The following ITPR2 variants were observed in gnomAD, a reference collection of about 807,000 sequenced individuals.
The protein encoded by ITPR2 is inositol 1,4,5-trisphosphate receptor type 2.
A neutral mutation model predicts 317.1 loss-of-function variants in ITPR2; 207 were observed. The ratio of observed to expected loss-of-function variants is 0.65; its 90% CI spans 0.58 to 0.73. ITPR2 has a LOEUF of 0.73. Ranked by LOEUF, ITPR2 falls within the 30% of genes least tolerant of loss-of-function variation. The probability of loss-of-function intolerance (pLI) is 0.00; values close to 1 mark genes in which losing one functional copy is unlikely to be tolerated. For missense variants in ITPR2, 2,613 were observed against 3,284.0 expected (o/e 0.80, Z 4.99); for synonymous variants, 1,156 against 1,149.1 (o/e 1.01, Z -0.12).
chr12:26,531,483 G>A (rs929751068), intron 37 of ITPR2, among the ~76,000 whole-genome samples: 3 of 152,062 alleles, frequency 2.0e-5, no homozygotes, highest in Non-Finnish European at 2.9e-5. Flanking sequence ...TTTTTCATTC[G>A]TCTTAGCTTT....
At chr12:26,359,386 A>G (rs557225578) in intron 55 of ITPR2, among the ~76,000 whole-genome samples, 12 of 152,292 alleles carry the variant, frequency 7.9e-5, no homozygotes, top group African/African-American at 2.9e-4. Context: ...TATACAGGGA[A>G]CCAAGAAAGC....
chr12:26,782,302 A>T (rs1014030711), intron 2 of ITPR2, among the ~76,000 whole-genome samples: 3 of 151,916 alleles, frequency 2.0e-5, no homozygotes, highest in Admixed American at 6.6e-5. Flanking sequence ...AATTAAATTG[A>T]CAAACAGGAG....
chr12:26,663,279 C>T (rs1239159767), intron 15 of ITPR2, among the ~76,000 whole-genome samples: 3 of 152,178 alleles, frequency 2.0e-5, no homozygotes, highest in African/African-American at 7.2e-5. Context: ...TATCTTTTCT[C>T]TCTGTGTCTT....
intron 24 of ITPR2, among the ~76,000 whole-genome samples, chr12:26,622,952 T>G (rs1314650389): frequency 6.6e-6 from 1 of 152,214 alleles, no homozygotes; most frequent in African/African-American, 2.4e-5. Context: ...TCATTTCTCC[T>G]AGGGAATAAT....
At chr12:26,634,233 G>A (rs1256901311) in intron 21 of ITPR2, among the ~76,000 whole-genome samples, 1 of 152,186 alleles carries the variant, frequency 6.6e-6, no homozygotes, top group Non-Finnish European at 1.5e-5. Context: ...AACCATTACA[G>A]CTTGAAAAAC....
Position 26,657,855 on chromosome 12 carries a change from A to C in ITPR2, c.2044T>G (p.Ser682Ala). 6.2e-6 allele frequency: 10 copies of C among 1,614,194 alleles called. No homozygotes were observed. The highest frequency in any genetic ancestry group is 5.9e-6 in the Non-Finnish European group (7 of 1,180,018). The change falls in exon 18 of 57, where the codon TCC becomes GCC. Residue 682 changes from serine (S) to alanine (A), a missense_variant. This residue lies in a region of ITPR2 where 817 missense variants were observed against 897.6 expected (regional missense o/e 0.91). Coordinates refer to ENST00000381340, the MANE Select transcript of ITPR2 (RefSeq NM_002223.4). ...SMQADNPMES[S>A]ILSDDIDDEE... ...TCATCAATGTCATCTGAAAGGATGG[A>C]GCTCTCCATGGGGTTGTCTGCTTGC...
At chr12:26,697,684 T>G (rs1166366013) in intron 9 of ITPR2, among the ~76,000 whole-genome samples, 1 of 152,032 alleles carries the variant, frequency 6.6e-6, no homozygotes, top group East Asian at 1.9e-4. Flanking sequence ...TGGCACGCAC[T>G]TGTAATTCCA....
chr12:26,524,333 C>T (rs1211823271), intron 37 of ITPR2, among the ~76,000 whole-genome samples: 1 of 152,134 alleles, frequency 6.6e-6, no homozygotes, highest in Non-Finnish European at 1.5e-5. Context: ...GGGTACTATA[C>T]ATTCTAAACC....
At chr12:26,384,479 A>G (rs1421800567) in intron 55 of ITPR2, among the ~76,000 whole-genome samples, 1 of 152,190 alleles carries the variant, frequency 6.6e-6, no homozygotes, top group Admixed American at 6.6e-5. Context: ...TGTTGGAATA[A>G]GCTTGGGAGT....
At chr12:26,343,784 T>C (rs1938214223) in intron 55 of ITPR2, among the ~76,000 whole-genome samples, 1 of 152,000 alleles carries the variant, frequency 6.6e-6, no homozygotes, top group South Asian at 2.1e-4. Context: ...TTGAGGTGTG[T>C]TGATTTCTTG....
rs185819244 is a variant in ITPR2 at position 26,373,152 on chromosome 12, C to T, written c.7857+14282G>A. ...ATCTGGACCACTCTAAAACTCCTGTCCCAGTTGCTTCTGGTTTGTAAGATA... is the reference window on the plus strand; with the variant it reads ...ATCTGGACCACTCTAAAACTCCTGTTCCAGTTGCTTCTGGTTTGTAAGATA... On this transcript the variant is annotated intron_variant, in intron 55 of 56. Transcript: ENST00000381340. Among the ~76,000 whole-genome samples the T allele has an allele frequency of 4.9e-4, 74 of 152,324 alleles. 2 individuals are homozygous for T. In the East Asian group the frequency reaches 8.7e-3, roughly 18 times the overall value.
chr12:26,339,518 T>C (rs1565478257), intron 56 of ITPR2, 35 bp from the exon 57 acceptor site: 1 of 1,571,302 alleles, frequency 6.4e-7, no homozygotes, highest in Non-Finnish European at 8.8e-7. Context: ...TTCAGCGGAT[T>C]TTCTCACTCT....
chr12:26,547,431 G>A (rs921445567), intron 37 of ITPR2, among the ~76,000 whole-genome samples: 2 of 152,172 alleles, frequency 1.3e-5, no homozygotes, highest in Admixed American at 1.3e-4. Context: ...GTGGAGAAAA[G>A]GAAACTCAAA....
chr12:26,582,145 G>T (rs1047779229), intron 32 of ITPR2, among the ~76,000 whole-genome samples: 1 of 152,024 alleles, frequency 6.6e-6, no homozygotes, highest in African/African-American at 2.4e-5. Flanking sequence ...TGTTTTTCCT[G>T]TCCCCTATGA....
At chr12:26,650,082 AATAAT>A (rs2136886581) in intron 21 of ITPR2, among the ~76,000 whole-genome samples, 1 of 94,980 alleles carries the variant, frequency 1.1e-5, no homozygotes, top group East Asian at 9.4e-4. Context: ...TTGCTGAAAG[AATAAT>A]TAAGGTATCT....
intron 48 of ITPR2, among the ~76,000 whole-genome samples, chr12:26,428,582 A>G (rs1565521327): frequency 6.6e-6 from 1 of 152,200 alleles, no homozygotes; most frequent in Non-Finnish European, 1.5e-5. Flanking sequence ...TTTAACTGCT[A>G]AATACACATA....
intron 2 of ITPR2, among the ~76,000 whole-genome samples, chr12:26,738,537 T>G (rs1438022439): frequency 3.3e-5 from 5 of 152,160 alleles, no homozygotes; most frequent in African/African-American, 9.7e-5. Context: ...AACTGTAAAT[T>G]TGTTTGTTGT....
At chr12:26,342,677 T>G (rs1046744411) in intron 55 of ITPR2, among the ~76,000 whole-genome samples, 6 of 152,170 alleles carry the variant, frequency 3.9e-5, no homozygotes, top group African/African-American at 1.4e-4. Flanking sequence ...TGGCACAATC[T>G]CAGCTCACCA....
chr12:26,342,640 CTT>C (rs775160319), intron 55 of ITPR2, among the ~76,000 whole-genome samples: 1 of 151,952 alleles, frequency 6.6e-6, no homozygotes, highest in East Asian at 1.9e-4. Flanking sequence ...GAGTTTCACT[CTT>C]GTTGTTGTCC....
Sources: gnomAD v4.1 joint callset for allele counts (sites outside exome capture counted in the v4.1 genomes callset) on GRCh38, gnomAD v4.1.1 for gene constraint, gnomAD v4.1.1 regional missense constraint, MANE v1.5 for transcripts, NCBI Gene and HGNC (gene_info 2026-07-23, HGNC 2026-07-21) for gene names.